The following GRIK1 variants were observed in gnomAD, a reference collection of about 807,000 sequenced individuals.
GRIK1 encodes glutamate ionotropic receptor kainate type subunit 1.
GRIK1 carries 69 observed loss-of-function variants against 105.7 expected under a neutral mutation model. That is an observed-to-expected ratio of 0.65 (90% CI 0.54 to 0.80). The LOEUF (loss-of-function observed/expected upper bound fraction) is 0.80. Ranked by LOEUF, GRIK1 falls within the 30% of genes least tolerant of loss-of-function variation. The pLI is 0.00. For missense variants in GRIK1, 1,109 were observed against 1,167.3 expected, an observed-to-expected ratio of 0.95 and a Z score of 0.73; for synonymous variants, 438 against 431.3, an observed-to-expected ratio of 1.02 and a Z score of -0.19.
intron 16 of GRIK1, among the ~76,000 whole-genome samples, chr21:29,546,378 A>G (rs953196990): frequency 1.3e-5 from 2 of 152,182 alleles, no homozygotes; most frequent in African/African-American, 4.8e-5. Context: ...TGGCATACAA[A>G]ATGTCTCTAC....
At chr21:29,682,928 A>G (rs2063408708) in intron 3 of GRIK1, among the ~76,000 whole-genome samples, 1 of 147,212 alleles carries the variant, frequency 6.8e-6, no homozygotes, top group African/African-American at 2.7e-5. Flanking sequence ...ACTTACATCA[A>G]CAAACAAAAA....
intron 2 of GRIK1, among the ~76,000 whole-genome samples, chr21:29,693,152 A>T (rs2063617886): frequency 6.6e-6 from 1 of 152,190 alleles, no homozygotes; most frequent in Admixed American, 6.5e-5. Context: ...TTGTTTCCAC[A>T]TAAACACATT....
At chr21:29,784,078 C>T (rs1321683984) in intron 1 of GRIK1, among the ~76,000 whole-genome samples, 4 of 152,078 alleles carry the variant, frequency 2.6e-5, no homozygotes, top group Admixed American at 6.6e-5. Context: ...GACTACAGGA[C>T]TGTTGTTTTT....
intron 1 of GRIK1, among the ~76,000 whole-genome samples, chr21:29,862,745 A>T (rs929933915): frequency 2.0e-5 from 3 of 152,250 alleles, no homozygotes; most frequent in African/African-American, 7.2e-5. Context: ...AAACTAAGTC[A>T]TATGCTTTTA....
intron 1 of GRIK1, among the ~76,000 whole-genome samples, chr21:29,827,366 A>G (rs557912581): frequency 6.6e-6 from 1 of 152,262 alleles, no homozygotes; most frequent in South Asian, 2.1e-4. Context: ...ATTCAAATAT[A>G]TTTCATAATA....
intron 8 of GRIK1, chr21:29,596,772 CCTGGTGGTAAGA>C: frequency 1.7e-6 from 1 of 590,660 alleles, no homozygotes; most frequent in Non-Finnish European, 3.0e-6. Context: ...ACAGAAGTTA[CCTGGTGGTAAGA>C]CTCAATTTTT....
At chr21:29,758,297 A>C (rs538690918) in intron 1 of GRIK1, among the ~76,000 whole-genome samples, 10 of 152,338 alleles carry the variant, frequency 6.6e-5, no homozygotes, top group South Asian at 4.2e-4. Flanking sequence ...TAAAGAAAAG[A>C]GGTTTAATGG....
chr21:29,736,992 A>G (rs2064808565), intron 1 of GRIK1, among the ~76,000 whole-genome samples: 1 of 152,124 alleles, frequency 6.6e-6, no homozygotes, highest in Non-Finnish European at 1.5e-5. Context: ...CATTTTCATT[A>G]TTAACAATTA....
At chr21:29,820,025 G>T (rs1431558609) in intron 1 of GRIK1, among the ~76,000 whole-genome samples, 1 of 151,774 alleles carries the variant, frequency 6.6e-6, no homozygotes, top group East Asian at 1.9e-4. Context: ...ACCAAAGAAA[G>T]CTGTCTTTTC....
chr21:29,727,659 A>G (rs1001792873), intron 1 of GRIK1, among the ~76,000 whole-genome samples: 3 of 152,218 alleles, frequency 2.0e-5, no homozygotes, highest in Non-Finnish European at 4.4e-5. Context: ...TGAAGTGTAA[A>G]TGTCCGGAAC....
At chr21:29,614,805 A>G (rs1453091910) in intron 7 of GRIK1, among the ~76,000 whole-genome samples, 1 of 151,422 alleles carries the variant, frequency 6.6e-6, no homozygotes, top group African/African-American at 2.5e-5. Flanking sequence ...TACTACACAT[A>G]AACTTTGTGT....
intron 1 of GRIK1, among the ~76,000 whole-genome samples, chr21:29,932,407 T>C (rs1212283009): frequency 6.6e-6 from 1 of 152,196 alleles, no homozygotes; most frequent in East Asian, 1.9e-4. Flanking sequence ...AAGTTTTTAA[T>C]AAGAAAAAAG....
intron 1 of GRIK1, among the ~76,000 whole-genome samples, chr21:29,886,952 G>T (rs566722162): frequency 6.6e-6 from 1 of 152,148 alleles, no homozygotes; most frequent in Non-Finnish European, 1.5e-5. Context: ...GTTAAAGAGA[G>T]ACACCTTATT....
Position 29,689,804 on chromosome 21 carries a change from A to G in GRIK1, c.468T>C (p.Ala156=), listed in dbSNP as rs781572164. Reference sequence around the variant, plus strand: ...CCAGATCCAGGATCGCCCTGCTGATAGCTGCATAATCTGGGTAAAGGTTGA... The same window carrying G: ...CCAGATCCAGGATCGCCCTGCTGATGGCTGCATAATCTGGGTAAAGGTTGA... The part of the protein sequence containing the change: ...FYINLYPDYA[A]ISRAILDLVL... The change falls in exon 3 of 18, where the codon GCT becomes GCC. Residue 156 remains alanine (A), a synonymous_variant. Transcript: ENST00000327783. 1.2e-6 allele frequency: 2 copies of G among 1,613,818 alleles called. No individual in the cohort carries two copies. Among genetic ancestry groups the G allele is most frequent in the Non-Finnish European group, 1.7e-6 (2 of 1,179,690 alleles).
At chr21:29,696,790 T>G (rs1379805064) in intron 1 of GRIK1, among the ~76,000 whole-genome samples, 2 of 152,210 alleles carry the variant, frequency 1.3e-5, no homozygotes, top group African/African-American at 4.8e-5. Flanking sequence ...ATCACTGGCA[T>G]GGATGTGAGC....
intron 14 of GRIK1, among the ~76,000 whole-genome samples, chr21:29,569,400 A>G (rs1273478001): frequency 1.3e-5 from 2 of 152,230 alleles, no homozygotes; most frequent in Non-Finnish European, 1.5e-5. Context: ...CAATTTATAG[A>G]CTGGGAAATC....
intron 1 of GRIK1, among the ~76,000 whole-genome samples, chr21:29,876,465 C>G (rs989408454): frequency 3.9e-5 from 6 of 152,060 alleles, no homozygotes; most frequent in African/African-American, 1.4e-4. Context: ...TTGACGATAC[C>G]AGAATCTACC....
chr21:29,797,568 A>C (rs2145842765), intron 1 of GRIK1, among the ~76,000 whole-genome samples: 1 of 152,350 alleles, frequency 6.6e-6, no homozygotes, highest in Middle Eastern at 3.4e-3. Context: ...AAATAATTCC[A>C]TCACACAGCC....
chr21:29,805,355 G>A lies in GRIK1; in HGVS notation c.119-111292C>T, dbSNP rs17370324. ...GTGCAGAAGGCAGGGAAGAGTAACC[G>A]AAGCCACTAGGTCCTTTATGACATC... On this transcript the variant is annotated intron_variant, in intron 1 of 17. Coordinates refer to ENST00000327783, the MANE Select transcript of GRIK1 (RefSeq NM_001330994.2). Among the ~76,000 whole-genome samples, 1,054 of 152,194 alleles carry A rather than the reference G, an allele frequency of 6.9e-3. 8 individuals carry two copies. Among genetic ancestry groups the A allele is most frequent in the African/African-American group, 0.024 (1,005 of 41,560 alleles).
Sources: gnomAD v4.1 joint callset for allele counts (sites outside exome capture counted in the v4.1 genomes callset) on GRCh38, gnomAD v4.1.1 for gene constraint, MANE v1.5 for transcripts, NCBI Gene and HGNC (gene_info 2026-07-23, HGNC 2026-07-21) for gene names.